Variants in TMEM67 observed in about 807,000 individuals in gnomAD.
The protein encoded by TMEM67 is meckelin.
In TMEM67, 124 loss-of-function variants were observed where a neutral mutation model predicts 136.6. That is an observed-to-expected ratio of 0.91 (90% confidence interval 0.78 to 1.05). The LOEUF is 1.05. TMEM67 is among the 50% of genes least tolerant of loss of function. The pLI is 0.00. For synonymous variants in TMEM67, 364 were observed against 390.5 expected (o/e 0.93, Z 0.80); for missense variants, 1,107 against 1,178.4 (o/e 0.94, Z 0.89).
intron 6 of TMEM67, 55 bp downstream of exon 6, chr8:93,765,701 C>G (rs1813055045): frequency 9.5e-6 from 11 of 1,160,122 alleles, no homozygotes; most frequent in Non-Finnish European, 1.4e-5. Context: ...TACATTTCAT[C>G]CATTAGTAAT....
chr8:93,760,033 G>GA, intron 3 of TMEM67: 22 of 1,398,692 alleles, frequency 1.6e-5, no homozygotes, highest in Non-Finnish European at 2.1e-5. Flanking sequence ...GCTTTTAAGT[G>GA]AAAATGCATT....
rs575788992 is a variant in TMEM67, at chr8:93,766,045, C to T, written c.651+399C>T. Among the ~76,000 whole-genome samples the T allele has an allele frequency of 2.0e-5, 3 of 152,212 alleles. No individual in the cohort carries two copies. The East Asian group carries it at 5.8e-4, about 29-fold the overall frequency. On this transcript the variant is annotated intron_variant, in intron 6 of 27. Transcript: ENST00000453321. ...CTGTAAGTTGGACATAATAAAAATA[C>T]CTTTACCACAGTGCCTGTACATGGT...
At chr8:93,824,124 C>T (rs1809078188), downstream of TMEM67, among the ~76,000 whole-genome samples, 1 of 152,126 alleles carries the variant, frequency 6.6e-6, no homozygotes. Context: ...TTGTAGCAGA[C>T]CAGGACTTTT....
downstream of TMEM67, among the ~76,000 whole-genome samples, chr8:93,818,560 A>C (rs991870819): frequency 6.6e-6 from 1 of 152,202 alleles, no homozygotes; most frequent in Non-Finnish European, 1.5e-5. Flanking sequence ...ATATTGACAA[A>C]TATAAGCTGA....
downstream of TMEM67, among the ~76,000 whole-genome samples, chr8:93,821,277 CTT>C (rs929931696): frequency 2.6e-5 from 4 of 151,964 alleles, no homozygotes; most frequent in African/African-American, 9.7e-5. Flanking sequence ...TCATGTAGGT[CTT>C]TTAGTTTTTT....
intron 1 of TMEM67, 59 bp downstream of exon 1, chr8:93,755,196 A>G: frequency 2.7e-6 from 4 of 1,469,340 alleles, no homozygotes; most frequent in Non-Finnish European, 3.8e-6. Context: ...GTCGGCCCCT[A>G]GTCCCCGTAA....
At chr8:93,778,965 AT>A (rs1266458950) in intron 7 of TMEM67, among the ~76,000 whole-genome samples, 1 of 151,966 alleles carries the variant, frequency 6.6e-6, no homozygotes, top group Non-Finnish European at 1.5e-5. Flanking sequence ...ACTTGGTTCC[AT>A]TTTCCCCATC....
chr8:93,779,082 G>A (rs868198714), intron 7 of TMEM67, among the ~76,000 whole-genome samples: 24 of 152,008 alleles, frequency 1.6e-4, no homozygotes, highest in African/African-American at 1.7e-4. Flanking sequence ...TAACCTTGTC[G>A]TCTCGCTTTA....
At chr8:93,764,951 G>T (rs1222320523) in intron 4 of TMEM67, among the ~76,000 whole-genome samples, 1 of 152,146 alleles carries the variant, frequency 6.6e-6, no homozygotes, top group Non-Finnish European at 1.5e-5. Flanking sequence ...ATGGTAAATA[G>T]AATTTATTTA....
chr8:93,779,786 C>T lies in TMEM67; in HGVS notation c.715-807C>T, dbSNP rs558393335. Among the ~76,000 whole-genome samples, 382 of 152,246 alleles carry T rather than the reference C, an allele frequency of 2.5e-3. 3 individuals are homozygous for T. Among genetic ancestry groups the T allele is most frequent in the African/African-American group, 8.6e-3 (359 of 41,572 alleles). On this transcript the variant is annotated intron_variant, in intron 7 of 27. Transcript: ENST00000453321. ...GCGCCCACCTGTATGAGGTGTCTGT[C>T]GGCCCCTACTGGGAGGTGTCTCCCA...
At chr8:93,804,081 A>ATGT (rs1392443808) in intron 22 of TMEM67, among the ~76,000 whole-genome samples, 2 of 151,210 alleles carry the variant, frequency 1.3e-5, no homozygotes, top group Non-Finnish European at 2.9e-5. Context: ...GGGTTTCCCC[A>ATGT]TGTTGGCCAG....
At chr8:93,782,766 G>A (rs1166464860) in intron 11 of TMEM67, among the ~76,000 whole-genome samples, 1 of 151,502 alleles carries the variant, frequency 6.6e-6, no homozygotes, top group Admixed American at 6.6e-5. Context: ...GTAAAGACAG[G>A]GTTTCTCCAT....
At chr8:93,819,199 T>G (rs557802576), downstream of TMEM67, 329 of 440,202 alleles carry the variant, frequency 7.5e-4, no homozygotes, top group Non-Finnish European at 1.2e-3. Context: ...AAATATATTT[T>G]TTTCTTGCTA....
At chr8:93,762,927 T>C in intron 3 of TMEM67, 1 of 442,976 alleles carries the variant, frequency 2.3e-6, no homozygotes, top group Non-Finnish European at 4.5e-6. Flanking sequence ...TGATTCTTTT[T>C]GTTTGTTTGT....
At chr8:93,814,929 A>G (rs1175594266) in intron 26 of TMEM67, among the ~76,000 whole-genome samples, 1 of 152,170 alleles carries the variant, frequency 6.6e-6, no homozygotes, top group Non-Finnish European at 1.5e-5. Flanking sequence ...TACTTACTCT[A>G]TGCCTTGCTG....
the TMEM67 span, among the ~76,000 whole-genome samples, chr8:93,828,729 A>G: frequency 1.5e-4 from 22 of 148,410 alleles, no homozygotes; most frequent in East Asian, 4.3e-3. Context: ...TGGGTGACAG[A>G]GTAAGACTGT....
At chr8:93,774,976 G>C (rs1813476162) in intron 7 of TMEM67, among the ~76,000 whole-genome samples, 1 of 151,980 alleles carries the variant, frequency 6.6e-6, no homozygotes, top group African/African-American at 2.4e-5. Context: ...ACTCCCATCA[G>C]TGTAAAAGCA....
At chr8:93,818,930 T>A (rs1419055238), downstream of TMEM67, 1 of 365,176 alleles carries the variant, frequency 2.7e-6, no homozygotes, top group East Asian at 8.1e-5. Context: ...GCCTCCCAAG[T>A]AGCTGGAACA....
intron 6 of TMEM67, chr8:93,769,375 G>A (rs1178597468): frequency 6.5e-6 from 1 of 154,072 alleles, no homozygotes; most frequent in African/African-American, 2.4e-5. Flanking sequence ...CAAGGGCAGG[G>A]AGGAGAGGCG....
Sources: gnomAD v4.1 joint callset for allele counts (sites outside exome capture counted in the v4.1 genomes callset) on GRCh38, gnomAD v4.1.1 for gene constraint, MANE v1.5 for transcripts, NCBI Gene and HGNC (gene_info 2026-07-23, HGNC 2026-07-21) for gene names.